MAGI2: variants seen among roughly 807,000 people sequenced by gnomAD.
MAGI2 encodes the protein membrane-associated guanylate kinase, WW and PDZ domain-containing protein 2.
A neutral mutation model predicts 133.3 loss-of-function variants in MAGI2; 35 were observed. The ratio of observed to expected loss-of-function variants is 0.26; its 90% confidence interval spans 0.20 to 0.35. The LOEUF is 0.35. Ranked by LOEUF, MAGI2 falls within the 10% of genes least tolerant of loss-of-function variation. MAGI2 has a pLI of 1.00. For synonymous variants in MAGI2, 729 were observed against 710.6 expected (o/e 1.03, Z -0.41); for missense variants, 1,636 against 1,863.4 (o/e 0.88, Z 2.25).
At chr7:78,533,698 T>C (rs1173267976) in intron 3 of MAGI2, among the ~76,000 whole-genome samples, 2 of 152,110 alleles carry the variant, frequency 1.3e-5, no homozygotes, top group African/African-American at 4.8e-5. Context: ...AAATAAAATA[T>C]CTTAGTAATC....
At chr7:79,133,449 T>G (rs1246721782) in intron 1 of MAGI2, among the ~76,000 whole-genome samples, 1 of 152,324 alleles carries the variant, frequency 6.6e-6, no homozygotes, top group East Asian at 1.9e-4. Context: ...TTGCCAAAGA[T>G]CAGTTGACTA....
chr7:78,229,868 G>C (rs572591236), intron 10 of MAGI2, among the ~76,000 whole-genome samples: 2 of 152,254 alleles, frequency 1.3e-5, no homozygotes, highest in Admixed American at 1.3e-4. Flanking sequence ...TGAGACTCCA[G>C]ACACAGATTC....
chr7:78,255,421 A>AT, intron 10 of MAGI2: 3 of 197,264 alleles, frequency 1.5e-5, no homozygotes, highest in Non-Finnish European at 3.0e-5. Context: ...CTGTGAAAAG[A>AT]TTTTTCTACA....
chr7:78,924,596 T>C (rs4457271), intron 2 of MAGI2, among the ~76,000 whole-genome samples: 53,840 of 151,318 alleles, frequency 0.36, 9,767 homozygotes, highest in South Asian at 0.43. Flanking sequence ...ATTCAGTTTG[T>C]CAGTATTTTA....
intron 1 of MAGI2, among the ~76,000 whole-genome samples, chr7:79,326,377 G>A (rs1839695791): frequency 6.6e-6 from 1 of 152,094 alleles, no homozygotes; most frequent in African/African-American, 2.4e-5. Flanking sequence ...TGTTAACTTA[G>A]CTCAGGTTAC....
intron 1 of MAGI2, among the ~76,000 whole-genome samples, chr7:79,057,287 A>G (rs1419749058): frequency 6.6e-6 from 1 of 152,176 alleles, no homozygotes; most frequent in Non-Finnish European, 1.5e-5. Flanking sequence ...CATGAGTTAG[A>G]CATTTTGTGG....
chr7:78,530,875 G>A (rs1205405941), intron 3 of MAGI2, among the ~76,000 whole-genome samples: 1 of 152,128 alleles, frequency 6.6e-6, no homozygotes, highest in Non-Finnish European at 1.5e-5. Context: ...TATGATGCTT[G>A]CATTTTAATT....
chr7:78,257,775 G>A (rs1240813989), intron 9 of MAGI2, among the ~76,000 whole-genome samples: 2 of 152,056 alleles, frequency 1.3e-5, no homozygotes, highest in Non-Finnish European at 2.9e-5. Context: ...ACTATGCTGA[G>A]GAGTATATTA....
At chr7:79,323,336 AATG>A (rs1839343921) in intron 1 of MAGI2, among the ~76,000 whole-genome samples, 1 of 152,222 alleles carries the variant, frequency 6.6e-6, no homozygotes, top group Admixed American at 6.6e-5. Flanking sequence ...GGTGGTAGAA[AATG>A]ATACTAGAAT....
intron 2 of MAGI2, among the ~76,000 whole-genome samples, chr7:78,898,678 G>A (rs1642909): frequency 0.48 from 73,423 of 151,850 alleles, 19,780 homozygotes; most frequent in South Asian, 0.62. Flanking sequence ...AGGAGGGAGA[G>A]GATCAGGAAA....
chr7:78,239,634 T>C (rs1790920496), intron 10 of MAGI2, among the ~76,000 whole-genome samples: 1 of 152,162 alleles, frequency 6.6e-6, no homozygotes, highest in Non-Finnish European at 1.5e-5. Context: ...GATATACAAA[T>C]GGCCAACAAG....
chr7:79,187,884 T>C (rs1197798717), intron 1 of MAGI2, among the ~76,000 whole-genome samples: 1 of 151,826 alleles, frequency 6.6e-6, no homozygotes, highest in Admixed American at 6.6e-5. Flanking sequence ...CCTAAATTTT[T>C]AGAAAACATA....
intron 10 of MAGI2, among the ~76,000 whole-genome samples, chr7:78,229,010 C>T (rs886134802): frequency 5.3e-5 from 8 of 152,236 alleles, no homozygotes; most frequent in East Asian, 1.9e-4. Context: ...AGGGGCCTTT[C>T]GGCCAATGCA....
chr7:79,034,783 T>A (rs1180002024), intron 1 of MAGI2, among the ~76,000 whole-genome samples: 1 of 143,556 alleles, frequency 7.0e-6, no homozygotes, highest in African/African-American at 2.6e-5. Flanking sequence ...CCCTTGTCCT[T>A]CGTCAAGGTA....
At chr7:79,391,748 G>A (rs1161857298) in intron 1 of MAGI2, among the ~76,000 whole-genome samples, 9 of 151,576 alleles carry the variant, frequency 5.9e-5, no homozygotes, top group East Asian at 5.9e-4. Context: ...GGAGTGGCGC[G>A]ATCTCGGCTC....
intron 10 of MAGI2, among the ~76,000 whole-genome samples, chr7:78,207,763 T>C (rs2150784140): frequency 6.6e-6 from 1 of 152,320 alleles, no homozygotes; most frequent in South Asian, 2.1e-4. Flanking sequence ...GACACACTAC[T>C]GCCAGTACTC....
At chr7:79,141,176 A>G (rs1822092895) in intron 1 of MAGI2, among the ~76,000 whole-genome samples, 1 of 152,154 alleles carries the variant, frequency 6.6e-6, no homozygotes. Flanking sequence ...ACAGTTTTTC[A>G]AAAACCTGGA....
intron 2 of MAGI2, among the ~76,000 whole-genome samples, chr7:78,666,135 A>T (rs961670150): frequency 6.8e-4 from 103 of 152,286 alleles, no homozygotes; most frequent in African/African-American, 2.4e-3. Flanking sequence ...AAATAATAGT[A>T]CACCTGTTTG....
At chr7:78,906,035 A>C (rs765341950) in intron 2 of MAGI2, among the ~76,000 whole-genome samples, 6 of 152,204 alleles carry the variant, frequency 3.9e-5, no homozygotes, top group Non-Finnish European at 8.8e-5. Context: ...AAGCAGAAGA[A>C]AGACAGAAAG....
Sources: gnomAD v4.1 joint callset for allele counts (sites outside exome capture counted in the v4.1 genomes callset) on GRCh38, gnomAD v4.1.1 for gene constraint, MANE v1.5 for transcripts, NCBI Gene and HGNC (gene_info 2026-07-23, HGNC 2026-07-21) for gene names.